The following NEGR1 variants were observed in gnomAD, a reference collection of about 807,000 sequenced individuals.
The protein encoded by NEGR1 is IgLON family member 4.
In NEGR1, 10 loss-of-function variants were observed where a neutral mutation model predicts 40.9. The ratio of observed to expected loss-of-function variants is 0.24; its 90% CI spans 0.15 to 0.42. The LOEUF (loss-of-function observed/expected upper bound fraction) is 0.42, where lower values mean the gene tolerates loss of function less well. NEGR1 is among the 10% of genes least tolerant of loss of function. The probability of loss-of-function intolerance (pLI) is 1.00; values close to 1 mark genes in which losing one functional copy is unlikely to be tolerated. For synonymous variants in NEGR1, 185 were observed against 166.8 expected (o/e 1.11, Z -0.84); for missense variants, 352 against 438.9 (o/e 0.80, Z 1.77).
At chr1:71,942,452 A>AATATATATATATATAT (rs1409165579) in intron 1 of NEGR1, among the ~76,000 whole-genome samples, 50 of 34,254 alleles carry the variant, frequency 1.5e-3, no homozygotes, top group South Asian at 3.4e-3. Flanking sequence ...AAATTCTTTA[A>AATATATATATATATAT]ATCTATATAT....
chr1:71,520,785 C>T (rs1444218533), intron 6 of NEGR1, among the ~76,000 whole-genome samples: 5 of 151,890 alleles, frequency 3.3e-5, no homozygotes, highest in African/African-American at 4.8e-5. Context: ...ATGGCTGGGG[C>T]AGGGAAAGAC....
rs556809515 is a variant in NEGR1 at position 71,522,537 on chromosome 1, G to A, written c.940+70280C>T. 4.9e-4 allele frequency among the ~76,000 whole-genome samples: 74 copies of A among 151,906 alleles called. 1 individual carries two copies. Among genetic ancestry groups the A allele is most frequent in the African/African-American group, 1.7e-3 (72 of 41,444 alleles). ...AGAAAAGGGACAAAAAAAGTGCTATGAATGAAATACAAAGATTGGTGAAAT... is the reference window on the plus strand; with the variant it reads ...AGAAAAGGGACAAAAAAAGTGCTATAAATGAAATACAAAGATTGGTGAAAT... On this transcript the variant is annotated intron_variant, in intron 6 of 6. Transcript: ENST00000357731.
At chr1:71,427,517 T>G (rs569156877) in intron 6 of NEGR1, among the ~76,000 whole-genome samples, 13 of 152,230 alleles carry the variant, frequency 8.5e-5, no homozygotes, top group Admixed American at 3.3e-4. Context: ...TCCTTTACTC[T>G]TTCTATGAAG....
intron 1 of NEGR1, among the ~76,000 whole-genome samples, chr1:72,079,833 A>G (rs1034291580): frequency 5.9e-5 from 9 of 152,032 alleles, no homozygotes; most frequent in Non-Finnish European, 1.3e-4. Context: ...AAAATGTTTT[A>G]CTCATTTTAA....
chr1:72,229,163 A>C (rs1654279524), intron 1 of NEGR1, among the ~76,000 whole-genome samples: 1 of 152,014 alleles, frequency 6.6e-6, no homozygotes, highest in Non-Finnish European at 1.5e-5. Flanking sequence ...TACTAAAATT[A>C]GTTTCCCAAC....
At chr1:71,880,937 A>G (rs1162475954) in intron 2 of NEGR1, among the ~76,000 whole-genome samples, 1 of 152,078 alleles carries the variant, frequency 6.6e-6, no homozygotes, top group East Asian at 1.9e-4. Flanking sequence ...TTTCACGAGA[A>G]TGATAGGCAA....
intron 5 of NEGR1, among the ~76,000 whole-genome samples, chr1:71,597,432 GTCTC>G (rs1158039041): frequency 0.02 from 1,197 of 60,686 alleles, 89 homozygotes; most frequent in African/African-American, 0.074. Context: ...ATATATATAT[GTCTC>G]TCTCTCTCTC....
At chr1:71,568,900 G>A (rs1232955809) in intron 6 of NEGR1, among the ~76,000 whole-genome samples, 2 of 150,588 alleles carry the variant, frequency 1.3e-5, no homozygotes, top group East Asian at 2.0e-4. Context: ...TTGCCTCAGG[G>A]GCAATGATCC....
intron 2 of NEGR1, among the ~76,000 whole-genome samples, chr1:71,796,509 A>G (rs1657332396): frequency 6.6e-6 from 1 of 152,208 alleles, no homozygotes; most frequent in Non-Finnish European, 1.5e-5. Flanking sequence ...AAAAGCTACA[A>G]GAAAGGCTCA....
intron 6 of NEGR1, among the ~76,000 whole-genome samples, chr1:71,584,733 G>GAATTTCTC (rs1649247153): frequency 6.6e-6 from 1 of 152,112 alleles, no homozygotes; most frequent in Admixed American, 6.6e-5. Context: ...TATCTCACAG[G>GAATTTCTC]ACCTCCAAAA....
chr1:72,228,137 C>G (rs959120103), intron 1 of NEGR1, among the ~76,000 whole-genome samples: 2 of 152,094 alleles, frequency 1.3e-5, no homozygotes, highest in African/African-American at 4.8e-5. Context: ...TCTGTGTCAA[C>G]TTGACTTTGC....
intron 6 of NEGR1, among the ~76,000 whole-genome samples, chr1:71,415,394 C>T (rs544489228): frequency 6.6e-6 from 1 of 152,108 alleles, no homozygotes; most frequent in South Asian, 2.1e-4. Context: ...TCCCATTCTG[C>T]TTGCTGAATA....
chr1:72,248,270 T>A (rs1654966139), intron 1 of NEGR1, among the ~76,000 whole-genome samples: 1 of 152,170 alleles, frequency 6.6e-6, no homozygotes, highest in South Asian at 2.1e-4. Context: ...ATTTCATTTA[T>A]TTTTTGACAT....
intron 1 of NEGR1, among the ~76,000 whole-genome samples, chr1:72,035,771 T>C (rs531711991): frequency 6.6e-6 from 1 of 152,318 alleles, no homozygotes; most frequent in Admixed American, 6.5e-5. Context: ...TTTCATTAAA[T>C]CTGCACAAAA....
chr1:71,684,355 A>G (rs553101894), intron 4 of NEGR1, among the ~76,000 whole-genome samples: 4 of 152,224 alleles, frequency 2.6e-5, no homozygotes, highest in Admixed American at 2.6e-4. Flanking sequence ...TAATCTTGCA[A>G]AGGATGAGGG....
rs1055635205 is a variant in NEGR1, at chr1:72,131,200, G to A, written c.176+151119C>T. ...ATAATTTAACATCTAGAAACCACCC[G>A]CTGCAGGTACCTAACTTTTAATATA... On this transcript the variant is annotated intron_variant, in intron 1 of 6. Transcript: ENST00000357731. Among the ~76,000 whole-genome samples, 92 of 152,144 alleles carry A rather than the reference G, an allele frequency of 6.0e-4. 1 individual carries two copies. The highest frequency in any genetic ancestry group is 2.1e-3 in the African/African-American group (89 of 41,528).
intron 1 of NEGR1, among the ~76,000 whole-genome samples, chr1:72,160,384 A>G (rs959006003): frequency 2.2e-4 from 34 of 152,184 alleles, no homozygotes; most frequent in Admixed American, 1.7e-3. Flanking sequence ...TAGTTTCATT[A>G]GTTCTTCTTC....
chr1:72,220,998 T>C lies in NEGR1; in HGVS notation c.176+61321A>G, dbSNP rs1041594364. ...TAAAATTACCATAATCTAGGTGGCT[T>C]AAAACATGACAAATTTATACTCTCA... On this transcript the variant is annotated intron_variant, in intron 1 of 6. Coordinates refer to ENST00000357731, the MANE Select transcript of NEGR1 (RefSeq NM_173808.3). Among the ~76,000 whole-genome samples the C allele has an allele frequency of 5.3e-5, 8 of 151,778 alleles. 1 individual carries two copies. The East Asian group carries it at 1.4e-3, about 26-fold the overall frequency.
intron 1 of NEGR1, among the ~76,000 whole-genome samples, chr1:71,993,117 T>A (rs1646469721): frequency 6.6e-6 from 1 of 152,182 alleles, no homozygotes; most frequent in South Asian, 2.1e-4. Context: ...GCAGGTTGCT[T>A]CATGGCCAAA....
Sources: allele counts gnomAD v4.1 joint callset (sites outside exome capture counted in the v4.1 genomes callset), GRCh38; gene constraint gnomAD v4.1.1; transcripts MANE v1.5; gene names NCBI Gene and HGNC (gene_info 2026-07-23, HGNC 2026-07-21).